The following PRH2 variants were observed in gnomAD, a reference collection of about 807,000 sequenced individuals.
PRH2 encodes the protein proline rich protein HaeIII subfamily 2, also known as salivary acidic proline-rich phosphoprotein 1/2.
Under a neutral mutation model 22.6 loss-of-function variants are expected in PRH2, and 19 were observed. The ratio of observed to expected loss-of-function variants is 0.84; its 90% CI spans 0.59 to 1.23. PRH2 has a LOEUF of 1.23. PRH2 is among the 50% of genes most tolerant of loss of function. The pLI is 0.00. For missense variants in PRH2, 109 were observed against 203.0 expected, an observed-to-expected ratio of 0.54 and a Z score of 2.81; for synonymous variants, 45 against 72.0, an observed-to-expected ratio of 0.63 and a Z score of 1.90.
chr12:10,929,363 G>T, intron 1 of PRH2, 26 bp downstream of exon 1: 1 of 1,614,060 alleles, frequency 6.2e-7, no homozygotes, highest in Non-Finnish European at 8.5e-7. Context: ...GGAAGATATT[G>T]TGACTCTGAT....
At chr12:10,931,819 G>A (rs1309783570) in intron 3 of PRH2, among the ~76,000 whole-genome samples, 1 of 145,110 alleles carries the variant, frequency 6.9e-6, no homozygotes, top group Non-Finnish European at 1.5e-5. Context: ...TTATTGGTTA[G>A]TTTTTTTTTT....
rs1466185101 is a variant in PRH2, at chr12:10,933,255, T to C, written c.*1048T>C. ...GAGTGACTTATATACAAAATGACCT[T>C]AAAAATATATTAAACTCATTATAGT... On this transcript the variant is annotated 3_prime_UTR_variant, in exon 4 of 4. Coordinates refer to ENST00000396400, the MANE Select transcript of PRH2 (RefSeq NM_001110213.1). Among the ~76,000 whole-genome samples, 1 of 152,034 alleles carries C rather than the reference T, an allele frequency of 6.6e-6. No individual in the cohort carries two copies. The highest frequency in any genetic ancestry group is 1.5e-5 in the Non-Finnish European group (1 of 67,948).
rs1272712509 is a variant in PRH2 at position 10,929,329 on chromosome 12, T to C, written c.56T>C (p.Leu19Ser). The C allele has an allele frequency of 1.9e-6, 3 of 1,613,972 alleles. No homozygotes were observed. The change falls in exon 1 of 4, where the codon TTA becomes TCA. Residue 19 changes from leucine (L) to serine (S), a missense_variant. Leu to Ser is a moderately radical substitution (Grantham distance 145). Around this residue, in one of 4 missense-constraint regions of PRH2, gnomAD observed 54 missense variants for 60.5 expected, o/e 0.89. Transcript: ENST00000396400. The stretch of plus-strand genomic sequence containing the variant: ...CTGGCCTTCAGCTCAGCTCAGGACT[T>C]AGATGAAGGTAAGCCGAATTGGGGG... Reference protein sequence around the residue: ...ALLAFSSAQDLDEDVSQEDVP... With the variant: ...ALLAFSSAQDSDEDVSQEDVP...
rs1333690721 is a variant in PRH2, at chr12:10,933,178, C to G, written c.*971C>G. Among the ~76,000 whole-genome samples, 2 of 151,956 alleles carry G rather than the reference C, an allele frequency of 1.3e-5. No individual in the cohort carries two copies. Among genetic ancestry groups the G allele is most frequent in the Non-Finnish European group, 2.9e-5 (2 of 67,946 alleles). On this transcript the variant is annotated 3_prime_UTR_variant, in exon 4 of 4. Transcript: ENST00000396400. Reference sequence around the variant, plus strand: ...TTAAAAGATGAGTTTTTCCTACATTCTGAAAAGCAAACATGAAAAACTGAA... The same window carrying G: ...TTAAAAGATGAGTTTTTCCTACATTGTGAAAAGCAAACATGAAAAACTGAA...
chr12:10,932,184 G>A, intron 3 of PRH2, 42 bp from the exon 4 acceptor site: 1 of 427,500 alleles, frequency 2.3e-6, no homozygotes, highest in South Asian at 1.6e-5. Flanking sequence ...GACATTTCCT[G>A]CCATGTCAAG....
At chr12:10,931,841 A>G (rs568702075) in intron 3 of PRH2, among the ~76,000 whole-genome samples, 2 of 151,910 alleles carry the variant, frequency 1.3e-5, no homozygotes, top group South Asian at 4.2e-4. Flanking sequence ...ACAATTATAT[A>G]TGATGCTATT....
chr12:10,931,061 A>C lies in PRH2; in HGVS notation c.500A>C (p.Ter167SerextTer5). 1 of 1,578,014 alleles carries C rather than the reference A, an allele frequency of 6.3e-7. No homozygotes were observed. ...QGPPQGQSPQ[*>S] ...CCTCCACAGGGGCAGTCTCCTCAGT[A>C]ATCTAGGATTCAATGATAGGTATGA... The change falls in exon 3 of 4, where the codon TAA (stop) becomes TCA (serine). Residue 167 changes from the stop codon to serine, a stop_lost. Transcript: ENST00000396400.
chr12:10,929,590 C>G (rs1176171220), intron 1 of PRH2, among the ~76,000 whole-genome samples: 2 of 152,218 alleles, frequency 1.3e-5, no homozygotes, highest in East Asian at 3.9e-4. Context: ...TTTATAGAGA[C>G]ATGGGACTGC....
intron 3 of PRH2, 120 bp downstream of exon 3, chr12:10,931,200 T>C (rs1481519821): frequency 3.3e-6 from 5 of 1,525,720 alleles, no homozygotes; most frequent in Non-Finnish European, 4.4e-6. Flanking sequence ...ACATTTCTCA[T>C]GAGTTTTGTT....
At chr12:10,929,737 C>T (rs1446071825) in intron 1 of PRH2, among the ~76,000 whole-genome samples, 1 of 152,162 alleles carries the variant, frequency 6.6e-6, no homozygotes, top group Non-Finnish European at 1.5e-5. Flanking sequence ...AAACACATGT[C>T]AGAGCTATTG....
rs16925810 is a variant in PRH2, at chr12:10,934,214, C to T, written c.*2007C>T. Among the ~76,000 whole-genome samples the T allele has an allele frequency of 0.015, 2,288 of 152,184 alleles. 20 individuals carry two copies. Among genetic ancestry groups the T allele is most frequent in the South Asian group, 0.031 (151 of 4,824 alleles). On this transcript the variant is annotated 3_prime_UTR_variant, in exon 4 of 4. Coordinates refer to ENST00000396400, the MANE Select transcript of PRH2 (RefSeq NM_001110213.1). ...CTGATTTTAAGAACAGCTTCTTTCC[C>T]AGGGATGGGTTCCCCCTAGTGATGT... is the stretch of plus-strand genomic sequence containing the variant.
At chr12:10,931,319 G>A (rs1278858457) in intron 3 of PRH2, among the ~76,000 whole-genome samples, 1 of 152,066 alleles carries the variant, frequency 6.6e-6, no homozygotes, top group Non-Finnish European at 1.5e-5. Context: ...AATAGGGTTG[G>A]GAATGAGGAC....
chr12:10,934,575 T>C lies in PRH2; in HGVS notation c.*2368T>C, dbSNP rs763837753. On this transcript the variant is annotated 3_prime_UTR_variant, in exon 4 of 4. Transcript: ENST00000396400. Reference sequence around the variant, plus strand: ...AATTTCTTCATCTATCACATGTACCTGTTATACATACTTATTAATTGGATG... The same window carrying C: ...AATTTCTTCATCTATCACATGTACCCGTTATACATACTTATTAATTGGATG... 5.3e-5 allele frequency among the ~76,000 whole-genome samples: 8 copies of C among 152,104 alleles called. No homozygotes were observed. Among genetic ancestry groups the C allele is most frequent in the Non-Finnish European group, 1.0e-4 (7 of 68,000 alleles).
At position 10,930,298 on chromosome 12, in the gene PRH2, A is replaced by G. The variant is rs1386891670; in HGVS notation, c.94A>G (p.Ile32Val). ...DVSQEDVPLV[I>V]SDGGDSEQFI... The stretch of plus-strand genomic sequence containing the variant: ...CAGCCAAGAAGACGTTCCCTTGGTA[A>G]TATCAGGTAAATCCCAATAAATTCT... Residue 32 changes from isoleucine (I) to valine (V), a missense_variant, in exon 2 of 4, where the codon ATA (isoleucine) becomes GTA (valine). Ile to Val is a conservative substitution (Grantham distance 29). Around this residue, in one of 4 missense-constraint regions of PRH2, gnomAD observed 54 missense variants for 60.5 expected, o/e 0.89. Coordinates refer to ENST00000396400, the MANE Select transcript of PRH2 (RefSeq NM_001110213.1). 3 of 1,612,862 alleles carry G rather than the reference A, an allele frequency of 1.9e-6. No individual in the cohort carries two copies. The South Asian group carries it at 3.3e-5, about 18-fold the overall frequency.
chr12:10,932,203 A>T (rs1033183446), intron 3 of PRH2, 23 bp from the exon 4 acceptor site: 34 of 434,906 alleles, frequency 7.8e-5, no homozygotes, highest in African/African-American at 5.8e-4. Context: ...AGTCTTGCCT[A>T]TAATCTTCCT....
At chr12:10,930,511 T>G in intron 2 of PRH2, 151 bp from the exon 3 acceptor site, 1 of 1,473,938 alleles carries the variant, frequency 6.8e-7, no homozygotes, top group Non-Finnish European at 9.1e-7. Flanking sequence ...TTAAGAGGAG[T>G]TCTAATTAGG....
chr12:10,931,730 A>ATACT (rs1219193632), intron 3 of PRH2, among the ~76,000 whole-genome samples: 1 of 151,912 alleles, frequency 6.6e-6, no homozygotes, highest in Non-Finnish European at 1.5e-5. Flanking sequence ...ACCACACTTT[A>ATACT]TATTCAGTTC....
chr12:10,931,305 C>T, intron 3 of PRH2: 2 of 960,328 alleles, frequency 2.1e-6, no homozygotes, highest in East Asian at 2.7e-5. Context: ...AATTACCTCT[C>T]TTAAATAGGG....
In PRH2 at chr12:10,934,454, T is replaced by C. The variant is rs570813149; in HGVS notation, c.*2247T>C. On this transcript the variant is annotated 3_prime_UTR_variant, in exon 4 of 4. Coordinates refer to ENST00000396400, the MANE Select transcript of PRH2 (RefSeq NM_001110213.1). ...TGAATCCATTCCCCAAAATTCCAATTAGGAATTATATATTTATTATTATAA... is the reference window on the plus strand; with the variant it reads ...TGAATCCATTCCCCAAAATTCCAATCAGGAATTATATATTTATTATTATAA... Among the ~76,000 whole-genome samples the C allele has an allele frequency of 2.7e-3, 417 of 152,184 alleles. 1 individual carries two copies. Among genetic ancestry groups the C allele is most frequent in the Non-Finnish European group, 4.4e-3 (298 of 67,978 alleles).
Sources: gnomAD v4.1 joint callset for allele counts (sites outside exome capture counted in the v4.1 genomes callset) on GRCh38, gnomAD v4.1.1 for gene constraint, gnomAD v4.1.1 regional missense constraint, MANE v1.5 for transcripts, NCBI Gene and HGNC (gene_info 2026-07-23, HGNC 2026-07-21) for gene names.